Variants in RASEF observed in about 807,000 individuals in gnomAD.
The protein encoded by RASEF is ras and EF-hand domain-containing protein.
In RASEF, 68 loss-of-function variants were observed where a neutral mutation model predicts 90.1. The observed-to-expected ratio is 0.75, with a 90% CI of 0.62 to 0.92. The LOEUF (loss-of-function observed/expected upper bound fraction) is 0.92. Among genes scored for constraint, RASEF ranks in the 40% least tolerant of loss-of-function variants. RASEF has a pLI of 0.00. For synonymous variants in RASEF, 331 were observed against 345.2 expected (o/e 0.96, Z 0.46); for missense variants, 949 against 937.2 (o/e 1.01, Z -0.16).
the RASEF span, among the ~76,000 whole-genome samples, chr9:83,191,876 C>T: frequency 6.6e-6 from 1 of 152,124 alleles, no homozygotes; most frequent in South Asian, 2.1e-4. Context: ...TGCAACTTTT[C>T]TGTAAATATA....
chr9:83,198,095 G>A, the RASEF span, among the ~76,000 whole-genome samples: 1 of 152,142 alleles, frequency 6.6e-6, no homozygotes, highest in Admixed American at 6.5e-5. Flanking sequence ...CTTACTGGAT[G>A]ATTTTATTCA....
chr9:83,054,723 G>A (rs994618406), intron 1 of RASEF: 5 of 137,884 alleles, frequency 3.6e-5, no homozygotes, highest in Non-Finnish European at 4.6e-5. Context: ...ATGGGTTTTC[G>A]GTGTAGATGT....
the RASEF span, among the ~76,000 whole-genome samples, chr9:83,136,145 A>G: frequency 6.6e-6 from 1 of 152,086 alleles, no homozygotes; most frequent in Non-Finnish European, 1.5e-5. Context: ...TACCACCCTC[A>G]TAAACCTGCT....
At chr9:83,023,922 G>A (rs73469405) in intron 2 of RASEF, among the ~76,000 whole-genome samples, 4,514 of 152,266 alleles carry the variant, frequency 0.03, 209 homozygotes, top group African/African-American at 0.1. Flanking sequence ...TCAGGGTGAT[G>A]CATAATCACA....
Position 83,012,068 on chromosome 9 carries a change from G to C in RASEF, c.843+366C>G, listed in dbSNP as rs1216342275. Among the ~76,000 whole-genome samples, 4 of 151,354 alleles carry C rather than the reference G, an allele frequency of 2.6e-5. No homozygotes were observed. In the East Asian group the frequency reaches 7.7e-4, roughly 29 times the overall value. On this transcript the variant is annotated intron_variant, in intron 5 of 16. Coordinates refer to ENST00000376447, the MANE Select transcript of RASEF (RefSeq NM_152573.4). ...AAGTAGATGTGGCTGGCGTAAGATG[G>C]AAAAGCGACAGAAAAAAAAAAAACT...
the RASEF span, among the ~76,000 whole-genome samples, chr9:83,173,990 T>C: frequency 6.6e-6 from 1 of 151,908 alleles, no homozygotes; most frequent in Non-Finnish European, 1.5e-5. Flanking sequence ...GGCCATCCTG[T>C]TCTGCCTCTC....
chr9:83,042,159 C>T (rs1466050929), intron 1 of RASEF, among the ~76,000 whole-genome samples: 2 of 151,974 alleles, frequency 1.3e-5, no homozygotes, highest in Non-Finnish European at 2.9e-5. Flanking sequence ...AATAACATAC[C>T]CTCTGGGCAG....
chr9:83,128,280 A>C, the RASEF span, among the ~76,000 whole-genome samples: 1 of 151,648 alleles, frequency 6.6e-6, no homozygotes, highest in African/African-American at 2.4e-5. Context: ...CCCTGGTGAA[A>C]CCCGATCTTC....
chr9:83,183,022 G>C, the RASEF span, among the ~76,000 whole-genome samples: 3 of 152,084 alleles, frequency 2.0e-5, no homozygotes, highest in Admixed American at 6.6e-5. Flanking sequence ...TGAAGGGTGG[G>C]ATAGACTGCA....
At chr9:83,049,172 C>T in intron 1 of RASEF, 1 of 253,504 alleles carries the variant, frequency 3.9e-6, no homozygotes, top group Non-Finnish European at 6.1e-6. Flanking sequence ...TTGACTTAAA[C>T]ATTGCTTATA....
At chr9:83,109,593 G>A in the RASEF span, among the ~76,000 whole-genome samples, 2 of 152,154 alleles carry the variant, frequency 1.3e-5, no homozygotes, top group African/African-American at 2.4e-5. Flanking sequence ...CATGATCACT[G>A]ATCTAATGCT....
At chr9:83,156,403 G>C in the RASEF span, among the ~76,000 whole-genome samples, 1 of 152,174 alleles carries the variant, frequency 6.6e-6, no homozygotes, top group Non-Finnish European at 1.5e-5. Context: ...TCCAGTTCCA[G>C]CTTTCAGTCT....
At chr9:83,201,796 T>C in the RASEF span, among the ~76,000 whole-genome samples, 9 of 152,160 alleles carry the variant, frequency 5.9e-5, no homozygotes, top group African/African-American at 2.2e-4. Context: ...TCTCAAGTAG[T>C]TTAGCATTTT....
chr9:83,049,561 C>G (rs1433657830), intron 1 of RASEF, among the ~76,000 whole-genome samples: 2 of 91,478 alleles, frequency 2.2e-5, no homozygotes, highest in Non-Finnish European at 4.0e-5. Context: ...TTATTATACT[C>G]TAAGTTTTAG....
upstream of RASEF, among the ~76,000 whole-genome samples, chr9:83,067,691 G>A (rs545675124): frequency 6.6e-5 from 10 of 152,244 alleles, no homozygotes; most frequent in African/African-American, 2.2e-4. Context: ...ACCATTACAT[G>A]TCTTGAACCA....
At chr9:83,073,573 A>G in the RASEF span, among the ~76,000 whole-genome samples, 1 of 152,188 alleles carries the variant, frequency 6.6e-6, no homozygotes, top group East Asian at 1.9e-4. Flanking sequence ...TTGAGAAAGA[A>G]CCCTATGTGA....
chr9:83,210,135 A>C, the RASEF span, among the ~76,000 whole-genome samples: 1 of 152,180 alleles, frequency 6.6e-6, no homozygotes, highest in Non-Finnish European at 1.5e-5. Context: ...AAGGCAAAGG[A>C]GTGATTATAC....
the RASEF span, among the ~76,000 whole-genome samples, chr9:83,099,557 G>C: frequency 6.6e-6 from 1 of 152,136 alleles, no homozygotes; most frequent in Non-Finnish European, 1.5e-5. Context: ...ATAATTTGAG[G>C]CATAGTTCCA....
In RASEF at chr9:83,025,907, C is replaced by G; in HGVS notation, c.446G>C (p.Ser149Thr). Residue 149 changes from serine (S) to threonine (T), a missense_variant, in exon 2 of 17, where the codon AGT becomes ACT. Coordinates refer to ENST00000376447, the MANE Select transcript of RASEF (RefSeq NM_152573.4). ...AKFIPREEQVSTLYQNINLVE... is the reference protein window; with the variant it reads ...AKFIPREEQVTTLYQNINLVE... ...AAGGTTGATGTTTTGGTACAAGGTA[C>G]TAACTTGCTCTTCTCTGCCAAATAA... The G allele has an allele frequency of 6.3e-7, 1 of 1,594,018 alleles. No homozygotes were observed.
Sources: allele counts gnomAD v4.1 joint callset (sites outside exome capture counted in the v4.1 genomes callset), GRCh38; gene constraint gnomAD v4.1.1; transcripts MANE v1.5; gene names NCBI Gene and HGNC (gene_info 2026-07-23, HGNC 2026-07-21).